The following PITPNC1 variants were observed in gnomAD, a reference collection of about 807,000 sequenced individuals.
The protein encoded by PITPNC1 is phosphatidylinositol transfer protein cytoplasmic 1, also known as cytoplasmic phosphatidylinositol transfer protein 1.
In PITPNC1, 18 loss-of-function variants were observed where a neutral mutation model predicts 44.7. The ratio of observed to expected loss-of-function variants is 0.40; its 90% CI spans 0.28 to 0.60. The LOEUF (loss-of-function observed/expected upper bound fraction) is 0.60. PITPNC1 is among the 20% of genes least tolerant of loss of function. The pLI is 0.39. For synonymous variants in PITPNC1, 141 were observed against 149.6 expected (o/e 0.94, Z 0.42); for missense variants, 290 against 418.4 (o/e 0.69, Z 2.68).
At chr17:67,658,580 C>A (rs2042300975) in intron 6 of PITPNC1, among the ~76,000 whole-genome samples, 1 of 152,166 alleles carries the variant, frequency 6.6e-6, no homozygotes, top group African/African-American at 2.4e-5. Context: ...GTCTGCATGC[C>A]TAATTCTTCC....
Position 67,684,635 on chromosome 17 carries a change from T to G in PITPNC1, c.683-7937T>G, listed in dbSNP as rs111535562. Reference sequence around the variant, plus strand: ...TTCTGACTAAATTGATTTCATATGCTATATACAGTTCTTTTTACCTATTTT... The same window carrying G: ...TTCTGACTAAATTGATTTCATATGCGATATACAGTTCTTTTTACCTATTTT... On this transcript the variant is annotated intron_variant, in intron 8 of 8. Transcript: ENST00000581322. Among the ~76,000 whole-genome samples, 347 of 152,314 alleles carry G rather than the reference T, an allele frequency of 2.3e-3. 2 individuals are homozygous for G. The highest frequency in any genetic ancestry group is 7.3e-3 in the African/African-American group (303 of 41,562).
intron 1 of PITPNC1, among the ~76,000 whole-genome samples, chr17:67,462,836 G>T (rs1672373039): frequency 1.3e-5 from 2 of 151,958 alleles, no homozygotes; most frequent in Non-Finnish European, 2.9e-5. Flanking sequence ...CCAAGTAGCT[G>T]GGATTACAGG....
chr17:67,441,187 C>G (rs550065493), intron 1 of PITPNC1, among the ~76,000 whole-genome samples: 4 of 152,250 alleles, frequency 2.6e-5, no homozygotes, highest in African/African-American at 9.6e-5. Flanking sequence ...CCACTGGCAG[C>G]AAATTGTCAT....
intron 2 of PITPNC1, among the ~76,000 whole-genome samples, chr17:67,534,349 T>C (rs2040500797): frequency 6.6e-6 from 1 of 152,084 alleles, no homozygotes; most frequent in South Asian, 2.1e-4. Flanking sequence ...ATGAAATATA[T>C]CTTATTGGCA....
intron 4 of PITPNC1, among the ~76,000 whole-genome samples, chr17:67,567,021 C>A (rs1464906095): frequency 1.3e-5 from 2 of 152,174 alleles, no homozygotes; most frequent in South Asian, 4.1e-4. Flanking sequence ...AATAGATGAA[C>A]TAATATATAT....
chr17:67,390,540 G>T (rs1416533289), intron 1 of PITPNC1, among the ~76,000 whole-genome samples: 2 of 152,220 alleles, frequency 1.3e-5, no homozygotes, highest in Non-Finnish European at 2.9e-5. Context: ...GGAGGAGATG[G>T]TTCCACATGG....
chr17:67,437,717 A>T (rs1223766631), intron 1 of PITPNC1, among the ~76,000 whole-genome samples: 1 of 152,156 alleles, frequency 6.6e-6, no homozygotes, highest in Non-Finnish European at 1.5e-5. Context: ...CAGGAACTCA[A>T]AGGAGCTCTA....
At chr17:67,588,064 C>T (rs1307167871) in intron 5 of PITPNC1, among the ~76,000 whole-genome samples, 1 of 152,120 alleles carries the variant, frequency 6.6e-6, no homozygotes, top group African/African-American at 2.4e-5. Context: ...AGTGCAGTGG[C>T]GTGATCTCAC....
chr17:67,452,213 G>A (rs1050288268), intron 1 of PITPNC1, among the ~76,000 whole-genome samples: 2 of 150,880 alleles, frequency 1.3e-5, no homozygotes, highest in Non-Finnish European at 2.9e-5. Flanking sequence ...GTCTCACTAT[G>A]TTTCCCAGGC....
At chr17:67,438,502 G>C (rs2038968099) in intron 1 of PITPNC1, among the ~76,000 whole-genome samples, 2 of 152,046 alleles carry the variant, frequency 1.3e-5, no homozygotes, top group Non-Finnish European at 2.9e-5. Flanking sequence ...TTTTAGTACA[G>C]ACAGGGTTTC....
At chr17:67,651,522 C>A (rs944966562) in intron 6 of PITPNC1, among the ~76,000 whole-genome samples, 2 of 151,746 alleles carry the variant, frequency 1.3e-5, no homozygotes, top group Non-Finnish European at 2.9e-5. Flanking sequence ...AAAAAAAAAA[C>A]CCAAAAAAAC....
chr17:67,430,151 T>A (rs555800669), intron 1 of PITPNC1, among the ~76,000 whole-genome samples: 5 of 152,232 alleles, frequency 3.3e-5, no homozygotes, highest in Non-Finnish European at 7.3e-5. Context: ...CGCAGGAGTT[T>A]ATAGATGGTA....
chr17:67,460,021 C>T (rs1374152452), intron 1 of PITPNC1, among the ~76,000 whole-genome samples: 2 of 152,328 alleles, frequency 1.3e-5, no homozygotes, highest in South Asian at 2.1e-4. Context: ...TCCCAGCTTT[C>T]CCACCATCCT....
chr17:67,552,793 G>A (rs2040785042), intron 3 of PITPNC1, among the ~76,000 whole-genome samples: 1 of 141,322 alleles, frequency 7.1e-6, no homozygotes, highest in Non-Finnish European at 1.5e-5. Context: ...GGGCAACACA[G>A]CGAGACTCCG....
chr17:67,610,919 C>CA (rs35933545), intron 5 of PITPNC1, among the ~76,000 whole-genome samples: 7,944 of 80,836 alleles, frequency 0.098, 287 homozygotes, highest in Admixed American at 0.17. Flanking sequence ...GACTCTGTCT[C>CA]AAAAAAAAAA....
In PITPNC1 at chr17:67,460,678, G is replaced by A. The variant is rs1009444306; in HGVS notation, c.49-72124G>A. The stretch of plus-strand genomic sequence containing the variant: ...GATCCACTCACCTCGGCCTCCCAAA[G>A]TGTTGGGATTACAGGCATGAGCCAC... On this transcript the variant is annotated intron_variant, in intron 1 of 8. Transcript: ENST00000581322. 6.0e-5 allele frequency among the ~76,000 whole-genome samples: 9 copies of A among 149,718 alleles called. 1 individual carries two copies. Among genetic ancestry groups the A allele is most frequent in the African/African-American group, 2.2e-4 (9 of 40,664 alleles).
chr17:67,537,878 A>G (rs559989916), intron 2 of PITPNC1, among the ~76,000 whole-genome samples: 7 of 152,116 alleles, frequency 4.6e-5, no homozygotes, highest in Admixed American at 1.3e-4. Context: ...AGGCTGAGGC[A>G]GGAGAATCAC....
At chr17:67,663,393 C>T (rs552907124) in intron 6 of PITPNC1, among the ~76,000 whole-genome samples, 1 of 151,956 alleles carries the variant, frequency 6.6e-6, no homozygotes, top group African/African-American at 2.4e-5. Context: ...CACAGTGAAA[C>T]CCCCGTCTCT....
intron 6 of PITPNC1, among the ~76,000 whole-genome samples, chr17:67,635,436 T>C (rs961599927): frequency 2.6e-5 from 4 of 151,948 alleles, no homozygotes; most frequent in African/African-American, 9.7e-5. Flanking sequence ...AATGGGAAGG[T>C]GAGAAGAGAG....
Sources: gnomAD v4.1 joint callset for allele counts (sites outside exome capture counted in the v4.1 genomes callset) on GRCh38, gnomAD v4.1.1 for gene constraint, MANE v1.5 for transcripts, NCBI Gene and HGNC (gene_info 2026-07-23, HGNC 2026-07-21) for gene names.